The following LIPI variants were observed in gnomAD, a reference collection of about 807,000 sequenced individuals.
The protein encoded by LIPI is lipase member I.
A neutral mutation model predicts 50.6 loss-of-function variants in LIPI; 59 were observed. The observed-to-expected ratio is 1.16, with a 90% CI of 0.94 to 1.45. The LOEUF is 1.45. LIPI is among the 40% of genes most tolerant of loss of function. The pLI is 0.00. For synonymous variants in LIPI, 203 were observed against 178.2 expected, an observed-to-expected ratio of 1.14 and a Z score of -1.11; for missense variants, 586 against 536.3, an observed-to-expected ratio of 1.09 and a Z score of -0.92.
intron 7 of LIPI, among the ~76,000 whole-genome samples, chr21:14,155,142 A>G (rs1328328402): frequency 5.9e-5 from 9 of 152,078 alleles, no homozygotes. Flanking sequence ...AGGTGGCTCC[A>G]TCGTGCAATG....
chr21:14,151,386 A>T (rs948996723), intron 8 of LIPI, among the ~76,000 whole-genome samples: 1 of 152,182 alleles, frequency 6.6e-6, no homozygotes, highest in African/African-American at 2.4e-5. Flanking sequence ...ACATTAATTT[A>T]GTTAATTAGT....
intron 7 of LIPI, among the ~76,000 whole-genome samples, chr21:14,158,398 A>G (rs2018346094): frequency 6.6e-6 from 1 of 151,626 alleles, no homozygotes; most frequent in South Asian, 2.1e-4. Flanking sequence ...AATAAAAAAG[A>G]TACAACATAT....
chr21:14,147,960 A>G (rs990636175), intron 8 of LIPI, among the ~76,000 whole-genome samples: 1 of 151,930 alleles, frequency 6.6e-6, no homozygotes, highest in Non-Finnish European at 1.5e-5. Flanking sequence ...GCTCCCTCTA[A>G]TCTCTCCATT....
At chr21:14,170,971 T>G (rs1238077362) in intron 4 of LIPI, among the ~76,000 whole-genome samples, 2 of 151,598 alleles carry the variant, frequency 1.3e-5, no homozygotes, top group African/African-American at 4.9e-5. Flanking sequence ...AAACCCCATT[T>G]TCTCAGCCCA....
intron 9 of LIPI, among the ~76,000 whole-genome samples, chr21:14,133,963 GTGGGAGGCTGTGAGCTCCT>G (rs1303421269): frequency 3.1e-4 from 47 of 152,294 alleles, no homozygotes; most frequent in South Asian, 1.2e-3. Flanking sequence ...GCTTGCCACT[GTGGGAGGCTGTGAGCTCCT>G]TGGGAGGCTG....
At chr21:14,135,995 T>C (rs73157507) in intron 9 of LIPI, among the ~76,000 whole-genome samples, 21,262 of 152,098 alleles carry the variant, frequency 0.14, 1,970 homozygotes, top group South Asian at 0.22. Flanking sequence ...AAGGCAACAG[T>C]CAGAGTCCTA....
chr21:14,157,050 T>C (rs1203760859), intron 7 of LIPI, among the ~76,000 whole-genome samples: 3 of 151,970 alleles, frequency 2.0e-5, no homozygotes, highest in East Asian at 3.9e-4. Context: ...AAGCAGAAAT[T>C]GTAAATGAAG....
At chr21:14,180,397 C>A (rs1381722470) in intron 4 of LIPI, among the ~76,000 whole-genome samples, 2 of 152,142 alleles carry the variant, frequency 1.3e-5, no homozygotes, top group Admixed American at 1.3e-4. Flanking sequence ...CTCAAGCGGG[C>A]ATTGTGGTCC....
At chr21:14,167,520 C>A (rs922834067) in intron 4 of LIPI, among the ~76,000 whole-genome samples, 62 of 152,172 alleles carry the variant, frequency 4.1e-4, no homozygotes, top group Non-Finnish European at 7.9e-4. Context: ...GACAAAACTT[C>A]CAGAGGAATG....
intron 4 of LIPI, 146 bp from the exon 5 acceptor site, chr21:14,166,597 T>C (rs2018694938): frequency 4.6e-6 from 3 of 645,566 alleles, no homozygotes; most frequent in Non-Finnish European, 8.3e-6. Context: ...AAGATAAGTT[T>C]TTCTTCTATA....
At position 14,144,943 on chromosome 21, in the gene LIPI, T is replaced by G. The variant is rs1401431955; in HGVS notation, c.1119-144A>C. 1.1e-5 allele frequency: 6 copies of G among 549,928 alleles called. No individual in the cohort carries two copies. The Admixed American group carries it at 1.3e-4, about 12-fold the overall frequency. The allele number at this position is 549,928 out of a possible 1,614,324, so 34.1% of individuals were successfully genotyped here. The stretch of plus-strand genomic sequence containing the variant: ...AACAAAATATTATTGCAGTATTTAT[T>G]AAAATAATTAAAACCGTAATTTATA... On this transcript the variant is annotated intron_variant, in intron 8 of 9. Transcript: ENST00000681601.
intron 7 of LIPI, among the ~76,000 whole-genome samples, chr21:14,153,411 G>A (rs2018168285): frequency 1.3e-5 from 2 of 152,276 alleles, no homozygotes; most frequent in East Asian, 1.9e-4. Context: ...CTTAGGCAAA[G>A]TACTTTGATT....
At chr21:14,139,742 A>G (rs1177965665) in intron 9 of LIPI, among the ~76,000 whole-genome samples, 1 of 152,208 alleles carries the variant, frequency 6.6e-6, no homozygotes, top group Non-Finnish European at 1.5e-5. Flanking sequence ...AGTAGGCTTC[A>G]TTGAGAAAAT....
chr21:14,179,692 A>G (rs890334191), intron 4 of LIPI, among the ~76,000 whole-genome samples: 1 of 152,184 alleles, frequency 6.6e-6, no homozygotes, highest in African/African-American at 2.4e-5. Flanking sequence ...TACTTTTATA[A>G]CTTCTTATGC....
At chr21:14,201,396 A>G (rs2020047173) in intron 1 of LIPI, among the ~76,000 whole-genome samples, 1 of 152,002 alleles carries the variant, frequency 6.6e-6, no homozygotes, top group Non-Finnish European at 1.5e-5. Flanking sequence ...ATAAATCTAT[A>G]AGGAACTTAA....
intron 1 of LIPI, among the ~76,000 whole-genome samples, chr21:14,204,823 AAT>A (rs1568887728): frequency 6.6e-6 from 1 of 151,940 alleles, no homozygotes; most frequent in East Asian, 1.9e-4. Context: ...GGACACAGTT[AAT>A]ATATATATGA....
At position 14,111,908 on chromosome 21, in the gene LIPI, T is replaced by C. The variant is rs554327435; in HGVS notation, c.1296-2828A>G. ...GTGCAGGTTTGTTACAAGAATATAT[T>C]GTGTAGTGATGAAGTTTGGGCTTCC... On this transcript the variant is annotated intron_variant, in intron 9 of 9. Transcript: ENST00000681601. Among the ~76,000 whole-genome samples, 20 of 152,200 alleles carry C rather than the reference T, an allele frequency of 1.3e-4. 2 individuals carry two copies. The South Asian group carries it at 1.4e-3, about 11-fold the overall frequency.
chr21:14,161,806 TGTATAATATA>T lies in LIPI; in HGVS notation c.1006+1603_1006+1612del, dbSNP rs1418153889. Among the ~76,000 whole-genome samples the T allele has an allele frequency of 6.5e-5, 2 of 30,798 alleles. 1 individual carries two copies. Among genetic ancestry groups the T allele is most frequent in the Non-Finnish European group, 9.6e-5 (2 of 20,760 alleles). The allele number at this position is 30,798 out of a possible 152,430, so 20.2% of individuals were successfully genotyped here. A position where few individuals can be genotyped will look rare whatever the true frequency, so the allele number is the denominator to read the frequency against. ...TAATATATACATTATTATATATTAA[TGTATAATATA>T]TACAAATATATATTAATATATAATA... On this transcript the variant is annotated intron_variant, in intron 7 of 9. Transcript: ENST00000681601.
intron 8 of LIPI, among the ~76,000 whole-genome samples, chr21:14,145,555 A>G (rs1277900943): frequency 6.6e-6 from 1 of 152,074 alleles, no homozygotes; most frequent in Non-Finnish European, 1.5e-5. Context: ...CTCACTAGAA[A>G]AAACTGATGG....
Sources: gnomAD v4.1 joint callset for allele counts (sites outside exome capture counted in the v4.1 genomes callset) on GRCh38, gnomAD v4.1.1 for gene constraint, MANE v1.5 for transcripts, NCBI Gene and HGNC (gene_info 2026-07-23, HGNC 2026-07-21) for gene names.